The following AADAT variants were observed in gnomAD, a reference collection of about 807,000 sequenced individuals.
AADAT encodes kynurenine/alpha-aminoadipate aminotransferase, mitochondrial.
A neutral mutation model predicts 56.2 loss-of-function variants in AADAT; 25 were observed. The ratio of observed to expected loss-of-function variants is 0.44; its 90% confidence interval spans 0.32 to 0.62. AADAT has a LOEUF of 0.62. Among genes scored for constraint, AADAT ranks in the 20% least tolerant of loss-of-function variants. The pLI is 0.04. For missense variants in AADAT, 387 were observed against 510.5 expected (o/e 0.76, Z 2.33); for synonymous variants, 173 against 164.7 (o/e 1.05, Z -0.39).
At chr4:170,089,505 C>T in intron 1 of AADAT, 119 bp downstream of exon 1, 11 of 1,093,864 alleles carry the variant, frequency 1.0e-5, no homozygotes, top group Admixed American at 6.1e-5. Flanking sequence ...TGGCTCACCG[C>T]GAGCGTGCAC....
chr4:170,066,620 G>C, intron 9 of AADAT, 142 bp from the exon 10 acceptor site: 1 of 619,954 alleles, frequency 1.6e-6, no homozygotes, highest in Non-Finnish European at 2.9e-6. Context: ...GAGCATATTT[G>C]TTTCACTTGT....
chr4:170,080,987 T>C (rs993863312), intron 3 of AADAT, among the ~76,000 whole-genome samples: 2 of 152,178 alleles, frequency 1.3e-5, no homozygotes, highest in Admixed American at 1.3e-4. Context: ...AGATGGCAAT[T>C]TGTCAGCTTT....
chr4:170,093,856 C>T (rs1292253772), upstream of AADAT, among the ~76,000 whole-genome samples: 1 of 152,162 alleles, frequency 6.6e-6, no homozygotes, highest in Non-Finnish European at 1.5e-5. Context: ...CTTTGGCCTC[C>T]GGAAGTGCTG....
At chr4:170,064,391 G>T (rs941615516) in intron 11 of AADAT, among the ~76,000 whole-genome samples, 2 of 152,174 alleles carry the variant, frequency 1.3e-5, no homozygotes, top group Non-Finnish European at 2.9e-5. Context: ...CACAGAAAGG[G>T]TAACCTATTC....
chr4:170,092,713 T>G (rs1354870555), upstream of AADAT, among the ~76,000 whole-genome samples: 2 of 152,256 alleles, frequency 1.3e-5, no homozygotes, highest in South Asian at 2.1e-4. Context: ...TTTCTCTGTA[T>G]TGGTTTTCTC....
rs529033762 is a variant in AADAT, at chr4:170,083,987, G to A, written c.369+3129C>T. Among the ~76,000 whole-genome samples, 21 of 152,244 alleles carry A rather than the reference G, an allele frequency of 1.4e-4. 1 individual carries two copies. In the South Asian group the frequency reaches 4.1e-3, roughly 30 times the overall value. Reference sequence around the variant, plus strand: ...TAGCCAAAATATGGAACCAACCTAAGTGTCCATCAGCTGATGAATGGATAA... The same window carrying A: ...TAGCCAAAATATGGAACCAACCTAAATGTCCATCAGCTGATGAATGGATAA... On this transcript the variant is annotated intron_variant, in intron 3 of 12. Transcript: ENST00000337664.
chr4:170,063,498 C>A (rs1408804012), intron 11 of AADAT, among the ~76,000 whole-genome samples: 1 of 152,184 alleles, frequency 6.6e-6, no homozygotes, highest in Admixed American at 6.5e-5. Flanking sequence ...TATTATACTA[C>A]AATGCATTTA....
chr4:170,072,299 G>GTA (rs36017064), intron 5 of AADAT, among the ~76,000 whole-genome samples: 26,242 of 148,472 alleles, frequency 0.18, 2,642 homozygotes, highest in East Asian at 0.31. Flanking sequence ...ATGTGTGTGT[G>GTA]TATATATATA....
intron 1 of AADAT, among the ~76,000 whole-genome samples, chr4:170,089,061 T>A (rs1732708216): frequency 6.6e-6 from 1 of 152,228 alleles, no homozygotes; most frequent in African/African-American, 2.4e-5. Flanking sequence ...CTGAATGGAC[T>A]AAGACAAAAG....
chr4:170,062,153 C>T (rs1309729979), intron 11 of AADAT, among the ~76,000 whole-genome samples, 160 bp from the exon 12 acceptor site: 1 of 152,106 alleles, frequency 6.6e-6, no homozygotes, highest in East Asian at 1.9e-4. Context: ...TTGCGTATGT[C>T]ATACAATGAA....
In AADAT at chr4:170,089,813, C is replaced by T. The variant is rs1219866262; in HGVS notation, c.-123G>A. The T allele has an allele frequency of 6.0e-6, 6 of 992,008 alleles. No homozygotes were observed. Among genetic ancestry groups the T allele is most frequent in the Non-Finnish European group, 3.0e-6 (2 of 659,420 alleles). The allele number at this position is 992,008 out of a possible 1,614,324, so 61.5% of individuals were successfully genotyped here. On this transcript the variant is annotated 5_prime_UTR_variant, in exon 1 of 13. Transcript: ENST00000337664. ...GGCAACGCCACCGCGAGATGTGTCC[C>T]CCCGCTGCGTCTGGCTTCCCGCGCG...
intron 2 of AADAT, among the ~76,000 whole-genome samples, chr4:170,088,020 T>C (rs1732645863): frequency 6.6e-6 from 1 of 151,110 alleles, no homozygotes; most frequent in Non-Finnish European, 1.5e-5. Flanking sequence ...CGTTTCTTCA[T>C]TTCTCCTGAT....
intron 1 of AADAT, 142 bp from the exon 2 acceptor site, chr4:170,088,706 C>A (rs1732685660): frequency 1.2e-6 from 1 of 826,124 alleles, no homozygotes; most frequent in Non-Finnish European, 1.9e-6. Context: ...TGTTGGTGCT[C>A]CCCCAGATTC....
intron 5 of AADAT, among the ~76,000 whole-genome samples, chr4:170,071,553 G>T (rs6854260): frequency 0.06 from 9,166 of 152,246 alleles, 377 homozygotes; most frequent in Non-Finnish European, 0.092. Context: ...AAAAGAATTT[G>T]GGCTTTATTT....
chr4:170,074,418 G>A (rs1311190231), intron 4 of AADAT, among the ~76,000 whole-genome samples: 2 of 151,944 alleles, frequency 1.3e-5, no homozygotes, highest in Admixed American at 6.6e-5. Flanking sequence ...TCCCTGATGA[G>A]TACCCATGAA....
chr4:170,074,471 G>A (rs1474224927), intron 4 of AADAT, among the ~76,000 whole-genome samples: 5 of 152,112 alleles, frequency 3.3e-5, no homozygotes, highest in South Asian at 2.1e-4. Context: ...TGAAGTAGGC[G>A]TTTTACAAAT....
chr4:170,073,797 G>C (rs538284386), intron 4 of AADAT, among the ~76,000 whole-genome samples: 1 of 152,094 alleles, frequency 6.6e-6, no homozygotes, highest in African/African-American at 2.4e-5. Context: ...CCACGCCCCT[G>C]GGGCAGATAC....
Position 170,088,584 on chromosome 4 carries a change from G to C in AADAT, c.68-20C>G. On this transcript the variant is annotated intron_variant, in intron 1 of 12. Coordinates refer to ENST00000337664, the MANE Select transcript of AADAT (RefSeq NM_016228.4). ...TGTCAGCTACAATACACATGGAAGA[G>C]AAGAAACAATTTCATTGAAGATTGT... 6.3e-7 allele frequency: 1 copy of C among 1,588,722 alleles called. No individual in the cohort carries two copies. The highest frequency in any genetic ancestry group is 8.6e-7 in the Non-Finnish European group (1 of 1,159,854).
In AADAT at chr4:170,072,245, G is replaced by A. The variant is rs187657041; in HGVS notation, c.654+891C>T. 1.7e-4 allele frequency among the ~76,000 whole-genome samples: 25 copies of A among 149,180 alleles called. No individual in the cohort carries two copies. The East Asian group carries it at 4.2e-3, about 25-fold the overall frequency. On this transcript the variant is annotated intron_variant, in intron 5 of 12. Transcript: ENST00000337664. Reference sequence around the variant, plus strand: ...TGTATGTGTGTGTGTGTATACGTGTGTTTATATAGATACATGTATATATAT... The same window carrying A: ...TGTATGTGTGTGTGTGTATACGTGTATTTATATAGATACATGTATATATAT...
Sources: gnomAD v4.1 joint callset for allele counts (sites outside exome capture counted in the v4.1 genomes callset) on GRCh38, gnomAD v4.1.1 for gene constraint, MANE v1.5 for transcripts, NCBI Gene and HGNC (gene_info 2026-07-23, HGNC 2026-07-21) for gene names.